ASMTL: variants seen among roughly 807,000 people sequenced by gnomAD.
ASMTL encodes the protein probable bifunctional dTTP/UTP pyrophosphatase/methyltransferase protein.
ASMTL carries 57 observed loss-of-function variants against 60.3 expected under a neutral mutation model. The observed-to-expected ratio is 0.95, with a 90% confidence interval of 0.76 to 1.18. ASMTL has a LOEUF of 1.18. ASMTL is among the 50% of genes most tolerant of loss of function. The pLI, the probability that ASMTL is intolerant of heterozygous loss-of-function variation, is 0.00. For missense variants in ASMTL, 981 were observed against 852.6 expected (o/e 1.15, Z -1.88); for synonymous variants, 419 against 373.0 (o/e 1.12, Z -1.42).
intron 1 of ASMTL, among the ~76,000 whole-genome samples, chrX:1,452,028 C>G (rs1156694903): frequency 2.0e-5 from 3 of 148,156 alleles, no homozygotes; most frequent in Non-Finnish European, 3.0e-5. Flanking sequence ...TCTCCAACCC[C>G]ATCCCTAAGG....
chrX:1,448,430 ACAC>A (rs2091278023), intron 1 of ASMTL, among the ~76,000 whole-genome samples: 1 of 150,750 alleles, frequency 6.6e-6, no homozygotes, highest in Non-Finnish European at 1.5e-5. Context: ...TCTTGGATAC[ACAC>A]CACCATCTTG....
Position 1,403,495 on chromosome X carries a change from G to A in ASMTL, c.1646-6C>T. On this transcript the variant is annotated splice_region_variant and splice_polypyrimidine_tract_variant and intron_variant, in intron 12 of 12. Coordinates refer to ENST00000381317, the MANE Select transcript of ASMTL (RefSeq NM_004192.4). ...CACCAGCAGCAGGCCGGCCCCTGAG[G>A]GAGACAGCAGAGAGCTGGAGTCCTG... 2 of 1,612,346 alleles carry A rather than the reference G, an allele frequency of 1.2e-6. No homozygotes were observed. Among genetic ancestry groups the A allele is most frequent in the African/African-American group, 1.3e-5 (1 of 75,048 alleles).
rs1384643533 is a variant in ASMTL, at chrX:1,439,128, G to C, written c.242C>G (p.Pro81Arg). 9 of 1,613,924 alleles carry C rather than the reference G, an allele frequency of 5.6e-6. No individual in the cohort carries two copies. Among genetic ancestry groups the C allele is most frequent in the Non-Finnish European group, 7.6e-6 (9 of 1,179,886 alleles). ...CGTGTCCGCTCCAATGACCACGTCG[G>C]GGGCCCGCAGGTCTTTCTGTAAGAA... ...NRLYQKDLRA[P>R]DVVIGADTIV... The change falls in exon 3 of 13, where the codon CCC becomes CGC. Residue 81 changes from proline (P) to arginine (R), a missense_variant. By Grantham distance (103) the Pro-to-Arg change is moderately radical. Transcript: ENST00000381317.
In ASMTL at chrX:1,403,374, C is replaced by T. The variant is rs1489700981; in HGVS notation, c.1761G>A (p.Leu587=). Residue 587 remains leucine (L), a synonymous_variant, in exon 13 of 13, where the codon CTG becomes CTA. Transcript: ENST00000381317. ...GCTCCAGCAAGCACTGATACTCGCC[C>T]AGGCTCCGCTCCTTGCCTTCAGTCT... ...LVQTEGKERS[L]GEYQCLLELH... 7.4e-6 allele frequency: 12 copies of T among 1,613,356 alleles called. No individual in the cohort carries two copies. The highest frequency in any genetic ancestry group is 1.3e-5 in the African/African-American group (1 of 74,944).
chrX:1,433,462 G>A (rs1334289751), intron 5 of ASMTL, among the ~76,000 whole-genome samples: 1 of 142,032 alleles, frequency 7.0e-6, no homozygotes, highest in Non-Finnish European at 1.5e-5. Context: ...TCAGGAGATC[G>A]AGACCCTCCT....
chrX:1,406,904 G>A (rs1418336046), intron 12 of ASMTL, among the ~76,000 whole-genome samples: 1 of 149,752 alleles, frequency 6.7e-6, no homozygotes, highest in African/African-American at 2.5e-5. Context: ...TAGATGATGG[G>A]TACATAGATA....
chrX:1,438,214 C>T (rs1321546994), intron 3 of ASMTL, among the ~76,000 whole-genome samples: 5 of 151,624 alleles, frequency 3.3e-5, no homozygotes, highest in East Asian at 1.9e-4. Flanking sequence ...ACCCGGGAGG[C>T]GGAGGTCCCG....
chrX:1,425,458 G>A lies in ASMTL; in HGVS notation c.1060+67C>T, dbSNP rs1389519880. ...CCTTCCTCGCTCTGCCCAGGCTCCA[G>A]GTCACCTTCCCTCAGTGACTTCCAC... is the stretch of plus-strand genomic sequence containing the variant. On this transcript the variant is annotated intron_variant, in intron 8 of 12. Coordinates refer to ENST00000381317, the MANE Select transcript of ASMTL (RefSeq NM_004192.4). 22 of 1,565,038 alleles carry A rather than the reference G, an allele frequency of 1.4e-5. No homozygotes were observed. The Middle Eastern group carries it at 1.2e-3, about 83-fold the overall frequency.
chrX:1,405,621 G>C lies in ASMTL; in HGVS notation c.1646-2132C>G, dbSNP rs1409228363. Among the ~76,000 whole-genome samples the C allele has an allele frequency of 3.4e-4, 51 of 151,182 alleles. 1 individual carries two copies. Among genetic ancestry groups the C allele is most frequent in the Non-Finnish European group, 6.0e-4 (41 of 67,830 alleles). On this transcript the variant is annotated intron_variant, in intron 12 of 12. Coordinates refer to ENST00000381317, the MANE Select transcript of ASMTL (RefSeq NM_004192.4). ...ATGGTAGATGATGGGTAGGTAGATA[G>C]ATGAATGGATGGATAGATGGATGCA...
intron 12 of ASMTL, among the ~76,000 whole-genome samples, chrX:1,410,466 G>C (rs1162852565): frequency 1.8e-4 from 27 of 151,824 alleles, no homozygotes; most frequent in Non-Finnish European, 3.4e-4. Context: ...CCAGGCTGGA[G>C]TGCAGTGGCG....
chrX:1,425,472 A>T, intron 8 of ASMTL, 53 bp downstream of exon 8: 2 of 1,585,602 alleles, frequency 1.3e-6, no homozygotes, highest in Non-Finnish European at 1.7e-6. Context: ...ACCTTCCCTC[A>T]GTGACTTCCA....
intron 12 of ASMTL, among the ~76,000 whole-genome samples, chrX:1,412,497 G>C (rs764305984): frequency 6.6e-6 from 1 of 152,140 alleles, no homozygotes; most frequent in Non-Finnish European, 1.5e-5. Flanking sequence ...CAAAGTGCTG[G>C]GATTATAGGC....
chrX:1,423,489 A>C, intron 8 of ASMTL, among the ~76,000 whole-genome samples: 2 of 152,130 alleles, frequency 1.3e-5, no homozygotes, highest in South Asian at 4.1e-4. Flanking sequence ...TCTCTATTCT[A>C]GCACCATGCT....
In ASMTL at chrX:1,427,797, C is replaced by T; in HGVS notation, c.834G>A (p.Arg278=). The part of the protein sequence containing the change: ...ATAEAECHRT[R]ETLPPFPTRL... ...GTGTCGGGAACGGAGGCAGGGTCTC[C>T]CGAGTCCTGTGACACTCAGCCTCTG... Residue 278 remains arginine, a synonymous_variant, in exon 7 of 13, where the codon CGG becomes CGA. Transcript: ENST00000381317. The T allele has an allele frequency of 6.2e-7, 1 of 1,612,984 alleles. No individual in the cohort carries two copies. The highest frequency in any genetic ancestry group is 8.5e-7 in the Non-Finnish European group (1 of 1,179,818).
At chrX:1,415,291 C>T (rs1459120477) in intron 11 of ASMTL, among the ~76,000 whole-genome samples, 2 of 151,958 alleles carry the variant, frequency 1.3e-5, no homozygotes, top group Non-Finnish European at 2.9e-5. Context: ...AACCTAAGGC[C>T]ACACTGTGAC....
chrX:1,431,865 C>G (rs2090798824), intron 6 of ASMTL: 1 of 206,394 alleles, frequency 4.8e-6, no homozygotes, highest in Non-Finnish European at 9.9e-6. Flanking sequence ...GCTCACCAAT[C>G]TGTGGACGGG....
In ASMTL at chrX:1,435,676, G is replaced by T. The variant is rs1374855389; in HGVS notation, c.338+18C>A. On this transcript the variant is annotated intron_variant, in intron 4 of 12. Coordinates refer to ENST00000381317, the MANE Select transcript of ASMTL (RefSeq NM_004192.4). ...GGCTCAGAACCCGAGAGGGCTCAGA[G>T]GCCAACATGGTGCTTACCGGGACAG... 1 of 1,613,172 alleles carries T rather than the reference G, an allele frequency of 6.2e-7. No homozygotes were observed. Among genetic ancestry groups the T allele is most frequent in the Non-Finnish European group, 8.5e-7 (1 of 1,179,696 alleles).
At chrX:1,406,437 AGGG>A (rs2089846733) in intron 12 of ASMTL, among the ~76,000 whole-genome samples, 28 of 147,102 alleles carry the variant, frequency 1.9e-4, no homozygotes, top group African/African-American at 6.9e-4. Flanking sequence ...AGATGGATGG[AGGG>A]ATGGGTGAAT....
At chrX:1,447,302 A>T (rs1463415372) in intron 1 of ASMTL, among the ~76,000 whole-genome samples, 1 of 152,134 alleles carries the variant, frequency 6.6e-6, no homozygotes. Flanking sequence ...GACCCATTAC[A>T]CCATCTTGGA....
Sources: gnomAD v4.1 joint callset for allele counts (sites outside exome capture counted in the v4.1 genomes callset) on GRCh38, gnomAD v4.1.1 for gene constraint, MANE v1.5 for transcripts, NCBI Gene and HGNC (gene_info 2026-07-23, HGNC 2026-07-21) for gene names.